CEP112: variants seen among roughly 807,000 people sequenced by gnomAD.
CEP112 encodes centrosomal protein of 112 kDa.
In CEP112, 127 loss-of-function variants were observed where a neutral mutation model predicts 153.0. That is an observed-to-expected ratio of 0.83 (90% confidence interval 0.72 to 0.96). The LOEUF is 0.96. Ranked by LOEUF, CEP112 falls within the 40% of genes least tolerant of loss-of-function variation. The pLI is 0.00. For missense variants in CEP112, 1,089 were observed against 1,101.2 expected, an observed-to-expected ratio of 0.99 and a Z score of 0.16; for synonymous variants, 358 against 374.4, an observed-to-expected ratio of 0.96 and a Z score of 0.51.
At chr17:66,113,623 TAAAG>T (rs2069155488) in intron 6 of CEP112, among the ~76,000 whole-genome samples, 1 of 152,178 alleles carries the variant, frequency 6.6e-6, no homozygotes, top group Admixed American at 6.5e-5. Flanking sequence ...AGCCATTAAA[TAAAG>T]AAGTTAAAGA....
rs189669903 is a variant in CEP112, at chr17:65,698,547, C to T, written c.2608-9329G>A. Among the ~76,000 whole-genome samples the T allele has an allele frequency of 5.3e-5, 8 of 152,196 alleles. No homozygotes were observed. The East Asian group carries it at 1.5e-3, about 29-fold the overall frequency. Reference sequence around the variant, plus strand: ...CAAGACTTTGATGATCTAAGGAAGCCGGAATCTCCTAACGCACCTCATTCA... The same window carrying T: ...CAAGACTTTGATGATCTAAGGAAGCTGGAATCTCCTAACGCACCTCATTCA... On this transcript the variant is annotated intron_variant, in intron 23 of 26. Coordinates refer to ENST00000535342, the MANE Select transcript of CEP112 (RefSeq NM_001199165.4).
chr17:66,013,219 T>C (rs1397225613), intron 16 of CEP112, among the ~76,000 whole-genome samples: 1 of 152,228 alleles, frequency 6.6e-6, no homozygotes, highest in Non-Finnish European at 1.5e-5. Context: ...ATTCTACTTC[T>C]ACCATTTCAG....
intron 20 of CEP112, among the ~76,000 whole-genome samples, chr17:65,859,689 T>A (rs376760174): frequency 6.7e-6 from 1 of 150,300 alleles, no homozygotes; most frequent in Non-Finnish European, 1.5e-5. Flanking sequence ...TCACTTGTAT[T>A]CACAAGTGTA....
intron 20 of CEP112, among the ~76,000 whole-genome samples, chr17:65,884,706 CT>C (rs11370374): frequency 5.4e-5 from 7 of 130,666 alleles, no homozygotes; most frequent in South Asian, 2.4e-4. Flanking sequence ...TTTGTAGTTT[CT>C]TTTTTTTTTT....
At chr17:65,639,496 C>A (rs537298919) in intron 25 of CEP112, among the ~76,000 whole-genome samples, 2 of 151,656 alleles carry the variant, frequency 1.3e-5, no homozygotes, top group Non-Finnish European at 2.9e-5. Flanking sequence ...GCCAAGATAG[C>A]GAAACCCTGT....
At chr17:65,896,510 G>A (rs1416025652) in intron 20 of CEP112, among the ~76,000 whole-genome samples, 2 of 151,826 alleles carry the variant, frequency 1.3e-5, no homozygotes, top group African/African-American at 4.8e-5. Flanking sequence ...TTAAGAAATA[G>A]TATTATTTTA....
intron 23 of CEP112, among the ~76,000 whole-genome samples, chr17:65,717,373 G>C (rs1202779584): frequency 6.6e-6 from 1 of 152,166 alleles, no homozygotes; most frequent in African/African-American, 2.4e-5. Context: ...AGTCCCAGAA[G>C]AGAGAAGATT....
intron 23 of CEP112, among the ~76,000 whole-genome samples, chr17:65,698,391 T>C (rs1336989687): frequency 6.6e-6 from 1 of 152,214 alleles, no homozygotes; most frequent in Non-Finnish European, 1.5e-5. Context: ...TCTTTCCTTC[T>C]CTCGCTCACC....
chr17:66,015,874 T>C (rs913482028), intron 16 of CEP112, among the ~76,000 whole-genome samples: 4 of 152,366 alleles, frequency 2.6e-5, no homozygotes, highest in Middle Eastern at 3.4e-3. Context: ...TCAGTTGTTA[T>C]ATACTGGTTT....
At chr17:66,035,870 ACAC>A (rs1226005784) in intron 12 of CEP112, among the ~76,000 whole-genome samples, 32 of 152,366 alleles carry the variant, frequency 2.1e-4, no homozygotes, top group African/African-American at 7.2e-4. Context: ...GCCACTGCAA[ACAC>A]CACAAGACAG....
intron 21 of CEP112, among the ~76,000 whole-genome samples, chr17:65,759,681 A>G (rs1567972635): frequency 1.3e-5 from 2 of 152,194 alleles, no homozygotes; most frequent in African/African-American, 4.8e-5. Flanking sequence ...CTGTTTTAGG[A>G]TATCAGGCAA....
chr17:65,916,285 G>A (rs910587282), intron 19 of CEP112, among the ~76,000 whole-genome samples: 1 of 148,306 alleles, frequency 6.7e-6, no homozygotes, highest in African/African-American at 2.5e-5. Context: ...GTGTGTGTGT[G>A]TGTGTGTATG....
intron 24 of CEP112, among the ~76,000 whole-genome samples, chr17:65,676,263 G>A (rs2047229705): frequency 6.6e-6 from 1 of 151,672 alleles, no homozygotes; most frequent in African/African-American, 2.4e-5. Context: ...AGGAGGCGGA[G>A]GTTTCAGTGA....
chr17:65,955,700 A>G (rs2061980017), intron 18 of CEP112, among the ~76,000 whole-genome samples: 1 of 152,236 alleles, frequency 6.6e-6, no homozygotes, highest in African/African-American at 2.4e-5. Context: ...AGGAGTAGCT[A>G]TTCTTATATC....
chr17:65,640,908 T>C (rs934550845), intron 25 of CEP112, 56 bp downstream of exon 25: 2 of 963,450 alleles, frequency 2.1e-6, no homozygotes, highest in South Asian at 1.4e-5. Flanking sequence ...TATTTGCAAG[T>C]TTCTTTTCAG....
At chr17:65,699,463 T>C (rs2048514638) in intron 23 of CEP112, among the ~76,000 whole-genome samples, 2 of 152,310 alleles carry the variant, frequency 1.3e-5, no homozygotes, top group Non-Finnish European at 2.9e-5. Flanking sequence ...TCCCTTCTTG[T>C]TTTTTAATAA....
chr17:65,906,668 C>T (rs1961729435), intron 19 of CEP112, among the ~76,000 whole-genome samples: 1 of 152,030 alleles, frequency 6.6e-6, no homozygotes, highest in African/African-American at 2.4e-5. Context: ...ATAGTATAAA[C>T]ATTTTCTCCT....
chr17:66,186,586 G>A (rs905404978), intron 1 of CEP112, among the ~76,000 whole-genome samples: 11 of 152,122 alleles, frequency 7.2e-5, no homozygotes, highest in African/African-American at 2.7e-4. Context: ...ACCATGCCCA[G>A]CTGCCTCTTG....
At chr17:65,802,856 C>T (rs988099868) in intron 21 of CEP112, among the ~76,000 whole-genome samples, 1 of 152,192 alleles carries the variant, frequency 6.6e-6, no homozygotes, top group Non-Finnish European at 1.5e-5. Flanking sequence ...TTCCCACACG[C>T]TCTTTTCCCT....
Sources: gnomAD v4.1 joint callset for allele counts (sites outside exome capture counted in the v4.1 genomes callset) on GRCh38, gnomAD v4.1.1 for gene constraint, MANE v1.5 for transcripts, NCBI Gene and HGNC (gene_info 2026-07-23, HGNC 2026-07-21) for gene names.